Variants in RGSL1 observed in about 807,000 individuals in gnomAD.
The protein encoded by RGSL1 is regulator of G protein signaling protein-like.
A neutral mutation model predicts 124.7 loss-of-function variants in RGSL1; 97 were observed. The ratio of observed to expected loss-of-function variants is 0.78; its 90% CI spans 0.66 to 0.92. RGSL1 has a LOEUF of 0.92. RGSL1 is among the 40% of genes least tolerant of loss of function. The pLI, the probability that RGSL1 is intolerant of heterozygous loss-of-function variation, is 0.00. For missense variants in RGSL1, 1,233 were observed against 1,288.4 expected (o/e 0.96, Z 0.66); for synonymous variants, 424 against 438.1 (o/e 0.97, Z 0.40).
At chr1:182,535,253 C>G (rs984663585) in intron 14 of RGSL1, among the ~76,000 whole-genome samples, 18 of 152,248 alleles carry the variant, frequency 1.2e-4, no homozygotes, top group African/African-American at 4.3e-4. Context: ...TTACTATTGC[C>G]TTTTAAAATG....
At chr1:182,559,260 C>T (rs1661036758) in intron 21 of RGSL1, among the ~76,000 whole-genome samples, 1 of 152,190 alleles carries the variant, frequency 6.6e-6, no homozygotes. Flanking sequence ...ACAGGATCCA[C>T]AGCACAAATT....
intron 8 of RGSL1, among the ~76,000 whole-genome samples, chr1:182,492,795 AT>A (rs920299353): frequency 6.6e-6 from 1 of 151,572 alleles, no homozygotes; most frequent in Admixed American, 6.6e-5. Flanking sequence ...TACCCGGCTA[AT>A]TTTTTTGTAT....
chr1:182,508,236 T>G (rs1656976448), intron 9 of RGSL1, among the ~76,000 whole-genome samples: 1 of 150,908 alleles, frequency 6.6e-6, no homozygotes, highest in Non-Finnish European at 1.5e-5. Flanking sequence ...TAGGACGAGA[T>G]CATATCGCAT....
chr1:182,551,190 G>A lies in RGSL1; in HGVS notation c.3024G>A (p.Lys1008=), dbSNP rs984398209. 1 of 1,551,226 alleles carries A rather than the reference G, an allele frequency of 6.4e-7. No homozygotes were observed. The highest frequency in any genetic ancestry group is 1.4e-5 in the African/African-American group (1 of 73,034). The stretch of plus-strand genomic sequence containing the variant: ...AAAGCCCTCCTAAATCTACGGACAA[G>A]TATCCTTTCTCGAGTGGAGGTAAGC... The part of the protein sequence containing the change: ...DRKSPPKSTD[K]YPFSSGGDNA... Residue 1008 remains lysine (K), a synonymous_variant, in exon 18 of 22, where the codon AAG becomes AAA. Transcript: ENST00000294854.
At chr1:182,473,252 G>A (rs563883391) in intron 5 of RGSL1, among the ~76,000 whole-genome samples, 1 of 152,314 alleles carries the variant, frequency 6.6e-6, no homozygotes, top group African/African-American at 2.4e-5. Flanking sequence ...CTGTTCAGAT[G>A]TAGATGTCTC....
intron 9 of RGSL1, among the ~76,000 whole-genome samples, chr1:182,503,426 C>G (rs1656550523): frequency 6.6e-6 from 1 of 152,166 alleles, no homozygotes; most frequent in Non-Finnish European, 1.5e-5. Context: ...TGTGCAACAA[C>G]ATGGATGGAA....
intron 15 of RGSL1, among the ~76,000 whole-genome samples, chr1:182,541,779 G>T (rs1355996030): frequency 2.0e-5 from 3 of 152,074 alleles, no homozygotes; most frequent in Non-Finnish European, 4.4e-5. Context: ...TTTAACTAGG[G>T]TAAGATGATA....
chr1:182,481,346 A>C (rs1015382517), intron 6 of RGSL1, among the ~76,000 whole-genome samples: 1 of 152,176 alleles, frequency 6.6e-6, no homozygotes, highest in Admixed American at 6.5e-5. Flanking sequence ...GACAACCTAC[A>C]AGAAATAAAT....
At chr1:182,508,191 T>G (rs495280) in intron 9 of RGSL1, among the ~76,000 whole-genome samples, 131,012 of 151,894 alleles carry the variant, frequency 0.86, 56,824 homozygotes, top group African/African-American at 0.9. Context: ...ACCAGCATCG[T>G]TTATTCCATC....
chr1:182,554,421 G>A (rs1313674735), intron 19 of RGSL1, among the ~76,000 whole-genome samples: 4 of 152,114 alleles, frequency 2.6e-5, no homozygotes, highest in African/African-American at 7.2e-5. Flanking sequence ...GGTTTCCTGG[G>A]ACACACACAA....
At chr1:182,498,403 T>C (rs1180431533) in intron 9 of RGSL1, among the ~76,000 whole-genome samples, 2 of 152,212 alleles carry the variant, frequency 1.3e-5, no homozygotes, top group Non-Finnish European at 2.9e-5. Context: ...TAGAGAATGA[T>C]GCTTAAAAGC....
intron 6 of RGSL1, among the ~76,000 whole-genome samples, chr1:182,475,015 C>T (rs761717553): frequency 4.6e-5 from 7 of 152,084 alleles, no homozygotes; most frequent in Non-Finnish European, 5.9e-5. Flanking sequence ...GGTTGGGGAC[C>T]GCTGTCTCAA....
chr1:182,474,196 A>G lies in RGSL1; in HGVS notation c.1085A>G (p.Lys362Arg), dbSNP rs61737272. The G allele has an allele frequency of 4.6e-4, 714 of 1,552,078 alleles. 4 individuals are homozygous for G. The African/African-American group carries it at 8.2e-3, about 18-fold the overall frequency. Residue 362 changes from lysine (K) to arginine (R), a missense_variant, in exon 6 of 22, where the codon AAG becomes AGG. Lys to Arg is a conservative substitution (Grantham distance 26, BLOSUM62 2). Coordinates refer to ENST00000294854, the MANE Select transcript of RGSL1 (RefSeq NM_001137669.2). Reference protein sequence around the residue: ...SSKMTIQKAIKQSFSLGYIHL... With the variant: ...SSKMTIQKAIRQSFSLGYIHL... ...AAGATGACAATTCAGAAGGCCATCA[A>G]GCAAAGCTTCTCCTTAGGATACATC...
chr1:182,526,919 G>A lies in RGSL1; in HGVS notation c.1932-660G>A, dbSNP rs1203828270. ...AAATAGGTGTATAAAGGAAGAAGAA[G>A]TAGGTCAAGATGTGGGTATTTGTAA... On this transcript the variant is annotated intron_variant, in intron 10 of 21. Coordinates refer to ENST00000294854, the MANE Select transcript of RGSL1 (RefSeq NM_001137669.2). Among the ~76,000 whole-genome samples the A allele has an allele frequency of 1.3e-5, 2 of 152,162 alleles. 1 individual carries two copies. The highest frequency in any genetic ancestry group is 1.3e-4 in the Admixed American group (2 of 15,278).
intron 19 of RGSL1, among the ~76,000 whole-genome samples, chr1:182,554,207 T>A (rs1431510113): frequency 6.6e-6 from 1 of 152,196 alleles, no homozygotes; most frequent in Non-Finnish European, 1.5e-5. Flanking sequence ...CTCACAGGCA[T>A]GAAATGCCAG....
chr1:182,545,049 T>C (rs559859581), intron 15 of RGSL1, among the ~76,000 whole-genome samples: 1 of 152,218 alleles, frequency 6.6e-6, no homozygotes, highest in East Asian at 1.9e-4. Context: ...GTTTTCTGGT[T>C]GTTTTTGAAC....
intron 2 of RGSL1, 116 bp from the exon 3 acceptor site, chr1:182,458,203 T>A: frequency 2.9e-6 from 2 of 679,578 alleles, no homozygotes; most frequent in Admixed American, 5.7e-5. Flanking sequence ...AGAATTAGTG[T>A]CCCTTGAAAT....
At chr1:182,454,115 T>G in intron 2 of RGSL1, 75 bp downstream of exon 2, 1 of 857,580 alleles carries the variant, frequency 1.2e-6, no homozygotes, top group Non-Finnish European at 1.9e-6. Context: ...TGAGTGACTT[T>G]TTTTGTTTGT....
At chr1:182,500,292 G>A (rs1002717293) in intron 9 of RGSL1, among the ~76,000 whole-genome samples, 2 of 152,138 alleles carry the variant, frequency 1.3e-5, no homozygotes, top group African/African-American at 4.8e-5. Context: ...ATTGAACGGT[G>A]TAGACATGCT....
Sources: gnomAD v4.1 joint callset for allele counts (sites outside exome capture counted in the v4.1 genomes callset) on GRCh38, gnomAD v4.1.1 for gene constraint, MANE v1.5 for transcripts, NCBI Gene and HGNC (gene_info 2026-07-23, HGNC 2026-07-21) for gene names.